Variants in DPEP1 observed in about 807,000 individuals in gnomAD.
DPEP1 encodes the protein beta-lactamase.
DPEP1 carries 50 observed loss-of-function variants against 42.3 expected under a neutral mutation model. The ratio of observed to expected loss-of-function variants is 1.18; its 90% confidence interval spans 0.94 to 1.50. DPEP1 has a LOEUF of 1.50. Among genes scored for constraint, DPEP1 ranks in the 40% most tolerant of loss-of-function variants. DPEP1 has a pLI of 0.00. For missense variants in DPEP1, 663 were observed against 553.0 expected (o/e 1.20, Z -1.99); for synonymous variants, 297 against 234.0 (o/e 1.27, Z -2.46).
intron 2 of DPEP1, among the ~76,000 whole-genome samples, chr16:89,634,390 G>C (rs1247323148): frequency 1.3e-5 from 2 of 152,066 alleles, no homozygotes; most frequent in African/African-American, 2.4e-5. Flanking sequence ...CCTGGCCTGA[G>C]AATTGCATTC....
At chr16:89,632,966 G>A (rs2059608558) in intron 2 of DPEP1, among the ~76,000 whole-genome samples, 1 of 152,154 alleles carries the variant, frequency 6.6e-6, no homozygotes, top group South Asian at 2.1e-4. Flanking sequence ...GAGGAGGGAG[G>A]GGAGAGCAGA....
At chr16:89,623,819 G>A (rs969587790) in intron 1 of DPEP1, among the ~76,000 whole-genome samples, 1 of 152,200 alleles carries the variant, frequency 6.6e-6, no homozygotes, top group Non-Finnish European at 1.5e-5. Context: ...AGGAGGGGAA[G>A]AAGAGGGATA....
At chr16:89,628,822 G>T (rs578142863) in intron 1 of DPEP1, among the ~76,000 whole-genome samples, 3 of 152,008 alleles carry the variant, frequency 2.0e-5, no homozygotes, top group Non-Finnish European at 4.4e-5. Flanking sequence ...GGGGCGGTTT[G>T]TGTTTTGTTT....
chr16:89,637,848 G>A lies in DPEP1; in HGVS notation c.942G>A (p.Gly314=). Residue 314 remains glycine, a synonymous_variant, in exon 10 of 11, where the codon GGG becomes GGA. Transcript: ENST00000690203. ...DFDGVPRVPE[G]LEDVSKYPDL... The stretch of plus-strand genomic sequence containing the variant: ...GGCCTCAACACAGGGTCCCTGAGGG[G>A]CTGGAGGACGTCTCCAAGTATCCAG... The A allele has an allele frequency of 3.1e-6, 5 of 1,612,790 alleles. No individual in the cohort carries two copies. Among genetic ancestry groups the A allele is most frequent in the South Asian group, 1.1e-5 (1 of 91,088 alleles).
intron 2 of DPEP1, among the ~76,000 whole-genome samples, chr16:89,635,472 C>T (rs954030871): frequency 2.6e-5 from 4 of 152,190 alleles, no homozygotes; most frequent in African/African-American, 9.7e-5. Context: ...TACCCAGCCA[C>T]CCACCATATT....
rs2059712895 is a variant in DPEP1 at position 89,638,426 on chromosome 16, C to T, written c.*204C>T. On this transcript the variant is annotated 3_prime_UTR_variant, in exon 11 of 11. Transcript: ENST00000690203. The stretch of plus-strand genomic sequence containing the variant: ...GTAGGCCCGCAATAAAAGCAACACC[C>T]CTTCACATCCTGGGGTACGTGTCAT... The T allele has an allele frequency of 3.7e-6, 5 of 1,337,194 alleles. No individual in the cohort carries two copies. The East Asian group carries it at 8.6e-5, about 23-fold the overall frequency. The allele number at this position is 1,337,194 out of a possible 1,614,324, so 82.8% of individuals were successfully genotyped here.
At chr16:89,614,559 C>T (rs1320365951) in intron 1 of DPEP1, among the ~76,000 whole-genome samples, 1 of 152,204 alleles carries the variant, frequency 6.6e-6, no homozygotes, top group Non-Finnish European at 1.5e-5. Context: ...CTGTGGGAGG[C>T]CGAGGTGGGC....
Position 89,628,256 on chromosome 16 carries a change from C to CT in DPEP1, c.-106-2033dup, listed in dbSNP as rs1206308709. Among the ~76,000 whole-genome samples the CT allele has an allele frequency of 3.9e-3, 307 of 79,206 alleles. 1 individual carries two copies. The highest frequency in any genetic ancestry group is 9.8e-3 in the Middle Eastern group (1 of 102). The allele number at this position is 79,206 out of a possible 152,430, so 52.0% of individuals were successfully genotyped here. ...ATTTCTTTCTTTCTTTCTTTTCTTT[C>CT]TTTTTTTTTTTTTTTTGTGAGATAG... On this transcript the variant is annotated intron_variant, in intron 1 of 10. Transcript: ENST00000690203.
chr16:89,625,100 C>A (rs1045786991), intron 1 of DPEP1, among the ~76,000 whole-genome samples: 1 of 152,142 alleles, frequency 6.6e-6, no homozygotes, highest in African/African-American at 2.4e-5. Flanking sequence ...CCCTGGGTTC[C>A]CTGCCCCAGA....
chr16:89,621,013 C>T (rs576941686), intron 1 of DPEP1, among the ~76,000 whole-genome samples: 15 of 151,874 alleles, frequency 9.9e-5, no homozygotes, highest in African/African-American at 3.6e-4. Context: ...TGGGGGGCCT[C>T]AGCTCGTGCC....
At chr16:89,638,874 C>T (rs1597778976), downstream of DPEP1, among the ~76,000 whole-genome samples, 1 of 73,006 alleles carries the variant, frequency 1.4e-5, no homozygotes, top group South Asian at 6.2e-4. Context: ...CACACCCCAC[C>T]CCTGCACACA....
intron 2 of DPEP1, among the ~76,000 whole-genome samples, chr16:89,632,159 C>T (rs1182113925): frequency 6.6e-6 from 1 of 152,164 alleles, no homozygotes; most frequent in Non-Finnish European, 1.5e-5. Context: ...AAGCAATTCT[C>T]CTGCCTCAGC....
chr16:89,624,453 AAGC>A (rs1402524078), intron 1 of DPEP1, among the ~76,000 whole-genome samples: 2 of 152,152 alleles, frequency 1.3e-5, no homozygotes, highest in African/African-American at 4.8e-5. Context: ...CACGGAAAGA[AAGC>A]AGCGAAAGCA....
chr16:89,635,932 G>C lies in DPEP1; in HGVS notation c.129G>C (p.Leu43=). 1 of 1,609,388 alleles carries C rather than the reference G, an allele frequency of 6.2e-7. No homozygotes were observed. Among genetic ancestry groups the C allele is most frequent in the Non-Finnish European group, 8.5e-7 (1 of 1,178,204 alleles). ...GGCACAATGACCTCCCCTGGCAGCT[G>C]CTGGATATGTTCAACAACCGGCTGC... ...IDGHNDLPWQ[L]LDMFNNRLQD... is the part of the protein sequence containing the mutation. Residue 43 remains leucine (L), a synonymous_variant, in exon 3 of 11, where the codon CTG becomes CTC. Coordinates refer to ENST00000690203, the MANE Select transcript of DPEP1 (RefSeq NM_001389466.1).
At position 89,638,399 on chromosome 16, in the gene DPEP1, C is replaced by T. The variant is rs1024921871; in HGVS notation, c.*177C>T. ...CTGGGGACAGTTCAGGACACACACA[C>T]AGTAGGCCCGCAATAAAAGCAACAC... On this transcript the variant is annotated 3_prime_UTR_variant, in exon 11 of 11. Coordinates refer to ENST00000690203, the MANE Select transcript of DPEP1 (RefSeq NM_001389466.1). 28 of 1,363,464 alleles carry T rather than the reference C, an allele frequency of 2.1e-5. No homozygotes were observed. In the African/African-American group the frequency reaches 4.0e-4, roughly 19 times the overall value. The allele number at this position is 1,363,464 out of a possible 1,614,324, so 84.5% of individuals were successfully genotyped here. A position where few individuals can be genotyped will look rare whatever the true frequency, so the allele number is the denominator to read the frequency against.
chr16:89,639,115 ATTCACAT>A (rs2059722779), downstream of DPEP1, among the ~76,000 whole-genome samples: 1 of 39,724 alleles, frequency 2.5e-5, no homozygotes, highest in African/African-American at 1.2e-4. Flanking sequence ...ACCCCTGCAC[ATTCACAT>A]CCCACCCCTG....
chr16:89,614,195 T>C (rs534078768), intron 1 of DPEP1, among the ~76,000 whole-genome samples: 1 of 152,182 alleles, frequency 6.6e-6, no homozygotes, highest in Admixed American at 6.5e-5. Flanking sequence ...GCCCTCCCCG[T>C]GGTCCCTAGG....
intron 1 of DPEP1, among the ~76,000 whole-genome samples, chr16:89,618,002 C>T (rs537946566): frequency 9.9e-5 from 15 of 151,690 alleles, no homozygotes; most frequent in African/African-American, 1.2e-4. Flanking sequence ...CCATCCTGGG[C>T]GACAGAGCGA....
intron 1 of DPEP1, among the ~76,000 whole-genome samples, chr16:89,615,731 G>T (rs2059374251): frequency 6.6e-6 from 1 of 152,224 alleles, no homozygotes; most frequent in Non-Finnish European, 1.5e-5. Flanking sequence ...CCCCACGGAG[G>T]CACGTTGGGA....
Sources: allele counts gnomAD v4.1 joint callset (sites outside exome capture counted in the v4.1 genomes callset), GRCh38; gene constraint gnomAD v4.1.1; transcripts MANE v1.5; gene names NCBI Gene and HGNC (gene_info 2026-07-23, HGNC 2026-07-21).